Variants in TMCO4 observed in about 807,000 individuals in gnomAD.
TMCO4 encodes the protein transmembrane and coiled-coil domains 4.
Under a neutral mutation model 64.7 loss-of-function variants are expected in TMCO4, and 58 were observed. The ratio of observed to expected loss-of-function variants is 0.90; its 90% CI spans 0.73 to 1.12. The LOEUF (loss-of-function observed/expected upper bound fraction) is 1.12. TMCO4 is among the 50% of genes most tolerant of loss of function. The probability of loss-of-function intolerance (pLI) is 0.00; values close to 1 mark genes in which losing one functional copy is unlikely to be tolerated. For missense variants in TMCO4, 780 were observed against 825.9 expected, an observed-to-expected ratio of 0.94 and a Z score of 0.68; for synonymous variants, 325 against 346.1, an observed-to-expected ratio of 0.94 and a Z score of 0.68.
intron 3 of TMCO4, among the ~76,000 whole-genome samples, chr1:19,786,817 A>C (rs1421683340): frequency 6.6e-6 from 1 of 152,248 alleles, no homozygotes; most frequent in African/African-American, 2.4e-5. Flanking sequence ...AAAGTAAAAC[A>C]TAAATGAATA....
chr1:19,702,640 C>T (rs551570115), intron 13 of TMCO4, among the ~76,000 whole-genome samples: 3 of 152,172 alleles, frequency 2.0e-5, no homozygotes, highest in South Asian at 4.2e-4. Context: ...CACCTATAGT[C>T]CCAGCTACAG....
chr1:19,747,402 C>A, intron 7 of TMCO4, 142 bp from the exon 8 acceptor site: 1 of 729,748 alleles, frequency 1.4e-6, no homozygotes, highest in Non-Finnish European at 2.4e-6. Context: ...CACCTTGAGC[C>A]CACTGATGGT....
chr1:19,733,168 G>A (rs980126971), intron 13 of TMCO4, among the ~76,000 whole-genome samples: 21 of 152,142 alleles, frequency 1.4e-4, no homozygotes, highest in Admixed American at 2.0e-4. Flanking sequence ...TTGGGAGGCT[G>A]AGGCAGGAGA....
At chr1:19,726,055 T>G (rs925453598) in intron 13 of TMCO4, among the ~76,000 whole-genome samples, 1 of 152,294 alleles carries the variant, frequency 6.6e-6, no homozygotes, top group East Asian at 1.9e-4. Context: ...GCTCCTAACA[T>G]GTACTGGGCA....
At chr1:19,724,912 C>T (rs991983457) in intron 13 of TMCO4, among the ~76,000 whole-genome samples, 20 of 152,302 alleles carry the variant, frequency 1.3e-4, no homozygotes, top group African/African-American at 4.8e-4. Context: ...CAGGCGCACA[C>T]CACAATACCC....
intron 12 of TMCO4, 47 bp from the exon 13 acceptor site, chr1:19,737,503 C>T: frequency 6.3e-7 from 1 of 1,584,414 alleles, no homozygotes; most frequent in Non-Finnish European, 8.7e-7. Context: ...ACTGCCAGTT[C>T]TAGCAAAACA....
chr1:19,706,631 G>T (rs1232273160), intron 13 of TMCO4, among the ~76,000 whole-genome samples: 1 of 152,176 alleles, frequency 6.6e-6, no homozygotes, highest in Non-Finnish European at 1.5e-5. Flanking sequence ...TTTTTACTGT[G>T]AGAGCTGAAG....
intron 3 of TMCO4, among the ~76,000 whole-genome samples, chr1:19,783,841 C>T (rs1052860458): frequency 2.6e-5 from 4 of 152,164 alleles, no homozygotes; most frequent in Non-Finnish European, 5.9e-5. Context: ...AAGACCTCGC[C>T]CAAAGTCACC....
intron 10 of TMCO4, among the ~76,000 whole-genome samples, chr1:19,744,134 C>T (rs745379630): frequency 3.3e-5 from 5 of 152,128 alleles, no homozygotes; most frequent in Admixed American, 6.5e-5. Flanking sequence ...TCTGGGCAGG[C>T]GTGCCTGAGT....
In TMCO4 at chr1:19,746,498, T is replaced by C. The variant is rs1036713222; in HGVS notation, c.715A>G (p.Ile239Val). 1 of 1,613,032 alleles carries C rather than the reference T, an allele frequency of 6.2e-7. No homozygotes were observed. Among genetic ancestry groups the C allele is most frequent in the Non-Finnish European group, 8.5e-7 (1 of 1,179,590 alleles). Residue 239 changes from isoleucine to valine, a missense_variant, in exon 9 of 16, where the codon ATC (isoleucine) becomes GTC (valine). By Grantham distance (29) the Ile-to-Val change is conservative. Transcript: ENST00000294543. ...AALGSAAGIA[I>V]MTSLFGAAGA... ...GCTGCACCAAACAGCGAGGTCATGA[T>C]GGCTATGCCGGCTGCTGAGCCCAGA...
Position 19,694,425 on chromosome 1 carries a change from G to T in TMCO4, c.1500+9C>A. 1.9e-6 allele frequency: 3 copies of T among 1,611,748 alleles called. No homozygotes were observed. In the South Asian group the frequency reaches 3.3e-5, roughly 18 times the overall value. ...CGCAAAGCCCCAGGAGGAACAGGCC[G>T]ACACTCACCACAGAGGTCAGGTCCA... On this transcript the variant is annotated intron_variant, in intron 15 of 15. Transcript: ENST00000294543.
At position 19,700,875 on chromosome 1, in the gene TMCO4, T is replaced by G. The variant is rs760782995; in HGVS notation, c.1275A>C (p.Gly425=). 6.2e-7 allele frequency: 1 copy of G among 1,614,160 alleles called. No homozygotes were observed. The highest frequency in any genetic ancestry group is 1.7e-5 in the Admixed American group (1 of 60,020). The change falls in exon 14 of 16, where the codon GGA becomes GGC. Residue 425 remains glycine, a synonymous_variant. Transcript: ENST00000294543. ...QEMAQEKDCQ[G]IIEDVILLGA... ...CCAGCAGGATGACGTCCTCGATGATTCCTTGGCAATCTGGCAAAAGACCCC... is the reference window on the plus strand; with the variant it reads ...CCAGCAGGATGACGTCCTCGATGATGCCTTGGCAATCTGGCAAAAGACCCC...
intron 13 of TMCO4, among the ~76,000 whole-genome samples, chr1:19,702,826 G>A (rs1213159001): frequency 7.7e-6 from 1 of 129,598 alleles, no homozygotes; most frequent in East Asian, 2.0e-4. Context: ...CAGAAATAGA[G>A]AAGCCAACAT....
chr1:19,687,246 C>T (rs1320681708), intron 15 of TMCO4, among the ~76,000 whole-genome samples: 1 of 152,166 alleles, frequency 6.6e-6, no homozygotes, highest in African/African-American at 2.4e-5. Context: ...AGCCACTGCA[C>T]CTGGCCTTTT....
intron 15 of TMCO4, among the ~76,000 whole-genome samples, chr1:19,692,080 C>G (rs992268107): frequency 5.9e-5 from 9 of 152,164 alleles, no homozygotes; most frequent in African/African-American, 2.2e-4. Context: ...ATGTCTTTAT[C>G]AGCAGCGTGA....
chr1:19,700,352 A>G (rs2095263781), intron 14 of TMCO4, among the ~76,000 whole-genome samples: 1 of 152,082 alleles, frequency 6.6e-6, no homozygotes, highest in East Asian at 1.9e-4. Context: ...AGGCCCCTCC[A>G]GCCCCTCCCT....
intron 6 of TMCO4, among the ~76,000 whole-genome samples, chr1:19,768,906 G>A (rs1355781808): frequency 6.6e-6 from 1 of 152,146 alleles, no homozygotes. Flanking sequence ...AGTAGCAAGG[G>A]CTTAGAGGCC....
intron 3 of TMCO4, 99 bp from the exon 4 acceptor site, chr1:19,780,865 A>T: frequency 9.7e-7 from 1 of 1,026,442 alleles, no homozygotes; most frequent in Non-Finnish European, 1.4e-6. Context: ...TTGATAAAGT[A>T]GGCATCATTA....
intron 7 of TMCO4, among the ~76,000 whole-genome samples, chr1:19,749,418 A>G (rs2041931931): frequency 6.6e-6 from 1 of 151,514 alleles, no homozygotes; most frequent in Non-Finnish European, 1.5e-5. Flanking sequence ...CCCAAGCTGG[A>G]GTGCACTGGT....
Sources: allele counts gnomAD v4.1 joint callset (sites outside exome capture counted in the v4.1 genomes callset), GRCh38; gene constraint gnomAD v4.1.1; transcripts MANE v1.5; gene names NCBI Gene and HGNC (gene_info 2026-07-23, HGNC 2026-07-21).